TMEM44: variants seen among roughly 807,000 people sequenced by gnomAD.
The protein encoded by TMEM44 is transmembrane protein 44.
Under a neutral mutation model 47.8 loss-of-function variants are expected in TMEM44, and 43 were observed. The ratio of observed to expected loss-of-function variants is 0.90; its 90% CI spans 0.70 to 1.16. The LOEUF (loss-of-function observed/expected upper bound fraction) is 1.16. Among genes scored for constraint, TMEM44 ranks in the 50% most tolerant of loss-of-function variants. TMEM44 has a pLI of 0.00. For synonymous variants in TMEM44, 277 were observed against 238.8 expected (o/e 1.16, Z -1.48); for missense variants, 568 against 555.2 (o/e 1.02, Z -0.23).
chr3:194,609,194 G>C (rs1263700485), intron 8 of TMEM44, among the ~76,000 whole-genome samples: 1 of 152,172 alleles, frequency 6.6e-6, no homozygotes, highest in Non-Finnish European at 1.5e-5. Flanking sequence ...GATGCCATAT[G>C]GTGACAGCTG....
chr3:194,617,680 G>A (rs1296164231), intron 5 of TMEM44: 2 of 704,112 alleles, frequency 2.8e-6, no homozygotes, highest in Non-Finnish European at 5.2e-6. Context: ...GCTCGCCAAT[G>A]TCCGCTGGGA....
chr3:194,604,122 G>T (rs1185668595), intron 9 of TMEM44, among the ~76,000 whole-genome samples, 165 bp downstream of exon 9: 1 of 152,200 alleles, frequency 6.6e-6, no homozygotes, highest in Non-Finnish European at 1.5e-5. Flanking sequence ...CCCAAGTGCT[G>T]CAATTACAGG....
At chr3:194,607,295 C>T (rs1047480272) in intron 8 of TMEM44, among the ~76,000 whole-genome samples, 3 of 152,180 alleles carry the variant, frequency 2.0e-5, no homozygotes, top group Non-Finnish European at 4.4e-5. Flanking sequence ...GCTGGCACCA[C>T]GTAAACATGC....
chr3:194,615,450 G>A, intron 7 of TMEM44, 119 bp downstream of exon 7: 1 of 1,401,336 alleles, frequency 7.1e-7, no homozygotes, highest in Non-Finnish European at 9.6e-7. Flanking sequence ...TGAGTCGCCT[G>A]CAGAGAACAC....
At chr3:194,628,200 T>C (rs1717375660) in intron 2 of TMEM44, among the ~76,000 whole-genome samples, 183 bp downstream of exon 2, 1 of 152,150 alleles carries the variant, frequency 6.6e-6, no homozygotes, top group South Asian at 2.1e-4. Context: ...GGCAGCCAAG[T>C]GGATATTGGG....
chr3:194,589,003 CTTT>C, intron 9 of TMEM44: 1 of 249,372 alleles, frequency 4.0e-6, no homozygotes, highest in Non-Finnish European at 7.9e-6. Context: ...AAACTTAATC[CTTT>C]TTTATTTTTT....
intron 5 of TMEM44, chr3:194,622,971 G>GA (rs1352536860): frequency 1.5e-5 from 6 of 405,332 alleles, no homozygotes; most frequent in African/African-American, 1.3e-4. Flanking sequence ...TTTGCTATAG[G>GA]AAATGGGGAA....
rs765549706 is a variant in TMEM44 at position 194,625,930 on chromosome 3, G to T, written c.325C>A (p.Pro109Thr). 9 of 1,613,674 alleles carry T rather than the reference G, an allele frequency of 5.6e-6. No individual in the cohort carries two copies. The East Asian group carries it at 1.6e-4, about 28-fold the overall frequency. The change falls in exon 3 of 10, where the codon CCA (proline) becomes ACA (threonine). Residue 109 changes from proline to threonine, a missense_variant. By Grantham distance (38) the Pro-to-Thr change is conservative (BLOSUM62 -1). Transcript: ENST00000347147. Reference protein sequence around the residue: ...DLVNFMFILFPVCGSKFKSNS... With the variant: ...DLVNFMFILFTVCGSKFKSNS... Reference sequence around the variant, plus strand: ...GACTTGAATTTGGATCCACAGACTGGGAAGAGAATGAACATAAAGTTCACT... The same window carrying T: ...GACTTGAATTTGGATCCACAGACTGTGAAGAGAATGAACATAAAGTTCACT...
At chr3:194,606,894 A>C (rs1365648366) in intron 8 of TMEM44, among the ~76,000 whole-genome samples, 1 of 139,210 alleles carries the variant, frequency 7.2e-6, no homozygotes, top group African/African-American at 2.6e-5. Flanking sequence ...TGTGGGTCAC[A>C]GTGAGCCGTG....
At chr3:194,608,270 T>A (rs1008464131) in intron 8 of TMEM44, among the ~76,000 whole-genome samples, 1 of 152,190 alleles carries the variant, frequency 6.6e-6, no homozygotes, top group African/African-American at 2.4e-5. Flanking sequence ...GTGCACCCAG[T>A]ATACAAGGAG....
At chr3:194,614,830 T>C (rs1199818363) in intron 7 of TMEM44, among the ~76,000 whole-genome samples, 1 of 152,216 alleles carries the variant, frequency 6.6e-6, no homozygotes. Flanking sequence ...TTGCTAAAAA[T>C]ATAAGCCATT....
At chr3:194,629,234 A>G (rs1158752251) in intron 1 of TMEM44, among the ~76,000 whole-genome samples, 4 of 152,164 alleles carry the variant, frequency 2.6e-5, no homozygotes, top group African/African-American at 9.7e-5. Flanking sequence ...AATTAAAAAG[A>G]CAACTTGTTT....
intron 9 of TMEM44, among the ~76,000 whole-genome samples, chr3:194,601,825 A>G (rs948773090): frequency 1.2e-4 from 19 of 152,342 alleles, no homozygotes; most frequent in African/African-American, 4.3e-4. Context: ...AGACTGAAAA[A>G]CAAGAAAACA....
At chr3:194,624,649 C>A (rs1480653879) in intron 3 of TMEM44, among the ~76,000 whole-genome samples, 1 of 152,048 alleles carries the variant, frequency 6.6e-6, no homozygotes, top group Non-Finnish European at 1.5e-5. Flanking sequence ...AAACTTTTGG[C>A]CTCAAGCAAT....
chr3:194,632,014 C>CT (rs1717874482), intron 1 of TMEM44, among the ~76,000 whole-genome samples: 1 of 152,182 alleles, frequency 6.6e-6, no homozygotes, highest in Non-Finnish European at 1.5e-5. Flanking sequence ...CTGATCTGAA[C>CT]AGTTTAATCT....
In TMEM44 at chr3:194,633,133, A is replaced by G. The variant is rs866966617; in HGVS notation, c.83T>C (p.Ile28Thr). The G allele has an allele frequency of 6.4e-7, 1 of 1,551,626 alleles. No individual in the cohort carries two copies. Among genetic ancestry groups the G allele is most frequent in the Non-Finnish European group, 8.7e-7 (1 of 1,148,138 alleles). Residue 28 changes from isoleucine (I) to threonine (T), a missense_variant, in exon 1 of 10, where the codon ATC (isoleucine) becomes ACC (threonine). Coordinates refer to ENST00000347147, the MANE Select transcript of TMEM44 (RefSeq NM_001011655.3). ...GGCGCAGATCCACAGGCCGAAGGAG[A>G]TGCAGACGCGGTGGCGGGCGAAGCA... is the stretch of plus-strand genomic sequence containing the variant. ...DRCFARHRVCISFGLWICASS... is the reference protein window; with the variant it reads ...DRCFARHRVCTSFGLWICASS...
chr3:194,633,110 C>G lies in TMEM44; in HGVS notation c.106G>C (p.Ala36Pro). 6.4e-7 allele frequency: 1 copy of G among 1,550,426 alleles called. No homozygotes were observed. Among genetic ancestry groups the G allele is most frequent in the Non-Finnish European group, 8.7e-7 (1 of 1,147,524 alleles). ...VCISFGLWIC[A>P]SSCWIAAHAL... ...TGGGCGGCGATCCAGCAGGAGGAGG[C>G]GCAGATCCACAGGCCGAAGGAGATG... Residue 36 changes from alanine to proline, a missense_variant, in exon 1 of 10, where the codon GCC (alanine) becomes CCC (proline). Physicochemically the swap from Ala to Pro is conservative, Grantham distance 27. Transcript: ENST00000347147.
chr3:194,628,547 T>C (rs1439216968), intron 1 of TMEM44, 38 bp from the exon 2 acceptor site: 8 of 1,570,676 alleles, frequency 5.1e-6, no homozygotes, highest in Non-Finnish European at 6.9e-6. Flanking sequence ...ACAGCAACTG[T>C]GAGTTTGGAC....
At position 194,615,599 on chromosome 3, in the gene TMEM44, G is replaced by GGTCAAAAGGGCTT; in HGVS notation, c.869_881dup (p.Cys295SerfsTer60). The GGTCAAAAGGGCTT allele has an allele frequency of 6.2e-7, 1 of 1,614,152 alleles. No homozygotes were observed. Among genetic ancestry groups the GGTCAAAAGGGCTT allele is most frequent in the East Asian group, 2.2e-5 (1 of 44,872 alleles). ...GGTTTTCTTCCTCTTTCTCTGCACAGGTCAAAAGGGCTTGGGTGTCAGGGC... is the reference window on the plus strand; with the variant it reads ...GGTTTTCTTCCTCTTTCTCTGCACAGGTCAAAAGGGCTTGTCAAAAGGGCTTGGGTGTCAGGGC... On this transcript the variant is annotated frameshift_variant, in exon 7 of 10. Transcript: ENST00000347147. LOFTEE classifies it high-confidence loss of function.
Sources: allele counts gnomAD v4.1 joint callset (sites outside exome capture counted in the v4.1 genomes callset), GRCh38; gene constraint gnomAD v4.1.1; transcripts MANE v1.5; gene names NCBI Gene and HGNC (gene_info 2026-07-23, HGNC 2026-07-21).